The following SUPT3H variants were observed in gnomAD, a reference collection of about 807,000 sequenced individuals.
SUPT3H encodes the protein transcription initiation protein SPT3 homolog.
Under a neutral mutation model 44.3 loss-of-function variants are expected in SUPT3H, and 44 were observed. That is an observed-to-expected ratio of 0.99 (90% CI 0.78 to 1.28). The LOEUF is 1.28. Ranked by LOEUF, SUPT3H falls within the 50% of genes most tolerant of loss-of-function variation. The pLI, the probability that SUPT3H is intolerant of heterozygous loss-of-function variation, is 0.00. For missense variants in SUPT3H, 380 were observed against 387.1 expected (o/e 0.98, Z 0.15); for synonymous variants, 124 against 125.6 (o/e 0.99, Z 0.09).
chr6:45,228,596 C>T (rs1286827810), intron 2 of SUPT3H, among the ~76,000 whole-genome samples: 1 of 152,048 alleles, frequency 6.6e-6, no homozygotes, highest in African/African-American at 2.4e-5. Context: ...CGCGCGCGCA[C>T]ACACACACAC....
chr6:45,153,285 A>T (rs941028531), intron 2 of SUPT3H, among the ~76,000 whole-genome samples: 1 of 152,186 alleles, frequency 6.6e-6, no homozygotes, highest in Admixed American at 6.5e-5. Context: ...CATCTTCTTC[A>T]CTAGTGTAGC....
At chr6:45,295,883 T>A (rs182383820) in intron 2 of SUPT3H, among the ~76,000 whole-genome samples, 2 of 151,950 alleles carry the variant, frequency 1.3e-5, no homozygotes, top group East Asian at 3.9e-4. Context: ...CTGGTGGGAG[T>A]ACAAACTAGT....
chr6:45,299,942 T>C (rs1285651655), intron 2 of SUPT3H, among the ~76,000 whole-genome samples: 2 of 145,398 alleles, frequency 1.4e-5, no homozygotes, highest in African/African-American at 5.2e-5. Context: ...GCGTATTATA[T>C]ATGTGAATAT....
At chr6:45,100,748 A>G (rs1798457562) in intron 3 of SUPT3H, among the ~76,000 whole-genome samples, 1 of 152,136 alleles carries the variant, frequency 6.6e-6, no homozygotes, top group Non-Finnish European at 1.5e-5. Flanking sequence ...GGAATGTCTT[A>G]CACACTTTTG....
intron 2 of SUPT3H, among the ~76,000 whole-genome samples, chr6:45,262,575 G>A (rs985404427): frequency 6.6e-5 from 10 of 151,932 alleles, no homozygotes; most frequent in Admixed American, 4.6e-4. Context: ...AAAACCTAGC[G>A]TACCTATCTG....
chr6:45,067,443 A>G (rs1048953406), intron 3 of SUPT3H, among the ~76,000 whole-genome samples: 1 of 135,070 alleles, frequency 7.4e-6, no homozygotes, highest in African/African-American at 2.5e-5. Context: ...CAAAGGCAAC[A>G]AAAGCCAAAA....
intron 5 of SUPT3H, among the ~76,000 whole-genome samples, chr6:45,013,984 T>C (rs556510446): frequency 9.2e-5 from 14 of 152,158 alleles, no homozygotes; most frequent in African/African-American, 3.4e-4. Context: ...CTGTACGTGC[T>C]TAGGACAATT....
intron 2 of SUPT3H, among the ~76,000 whole-genome samples, chr6:45,327,332 C>T (rs1038616702): frequency 5.3e-5 from 8 of 151,946 alleles, no homozygotes; most frequent in African/African-American, 1.9e-4. Context: ...GAATCAAATA[C>T]TGAACAATCT....
rs149622617 is a variant in SUPT3H at position 45,150,906 on chromosome 6, T to C, written c.102-44900A>G. ...CCCGGCTAGTTTTTTGTATTTTTAG[T>C]AGAGACAGGTTTCACCACCCTGGGC... On this transcript the variant is annotated intron_variant, in intron 2 of 10. Coordinates refer to ENST00000371459, the MANE Select transcript of SUPT3H (RefSeq NM_003599.4). Among the ~76,000 whole-genome samples the C allele has an allele frequency of 2.6e-3, 392 of 151,978 alleles. 4 individuals are homozygous for C. Among genetic ancestry groups the C allele is most frequent in the African/African-American group, 8.6e-3 (357 of 41,464 alleles).
At chr6:45,372,363 T>C (rs960771883) in intron 1 of SUPT3H, among the ~76,000 whole-genome samples, 1 of 152,234 alleles carries the variant, frequency 6.6e-6, no homozygotes, top group African/African-American at 2.4e-5. Flanking sequence ...TGCAAAAGCA[T>C]AGCTTCTTGA....
At chr6:45,337,705 AC>A (rs1788870451) in intron 2 of SUPT3H, among the ~76,000 whole-genome samples, 2 of 151,890 alleles carry the variant, frequency 1.3e-5, no homozygotes, top group African/African-American at 4.8e-5. Context: ...AATATGATAC[AC>A]TTCTAGAAGC....
intron 2 of SUPT3H, among the ~76,000 whole-genome samples, chr6:45,296,120 TA>T (rs1032989323): frequency 6.6e-6 from 1 of 151,756 alleles, no homozygotes; most frequent in African/African-American, 2.4e-5. Flanking sequence ...GATATATATA[TA>T]AGTATATATA....
chr6:45,055,776 T>A (rs1208715610), intron 3 of SUPT3H, among the ~76,000 whole-genome samples: 1 of 152,076 alleles, frequency 6.6e-6, no homozygotes, highest in Non-Finnish European at 1.5e-5. Flanking sequence ...AAAGACTTCA[T>A]GACCAAAAAC....
intron 3 of SUPT3H, among the ~76,000 whole-genome samples, chr6:45,046,797 G>A (rs1299849425): frequency 6.6e-6 from 1 of 152,198 alleles, no homozygotes; most frequent in East Asian, 1.9e-4. Context: ...AGGCTGCAAT[G>A]AATCTGTAGA....
At chr6:44,955,991 G>A (rs1361493917) in intron 7 of SUPT3H, among the ~76,000 whole-genome samples, 9 of 151,578 alleles carry the variant, frequency 5.9e-5, no homozygotes, top group South Asian at 2.1e-4. Context: ...GCATGGTAGC[G>A]GGTGCCTGTA....
intron 2 of SUPT3H, among the ~76,000 whole-genome samples, chr6:45,336,825 T>C (rs1788658862): frequency 6.6e-6 from 1 of 151,576 alleles, no homozygotes. Flanking sequence ...ACCTCTGTTT[T>C]AAACTTTCTT....
chr6:44,992,801 T>G (rs1312092191), intron 6 of SUPT3H, among the ~76,000 whole-genome samples: 1 of 152,150 alleles, frequency 6.6e-6, no homozygotes, highest in African/African-American at 2.4e-5. Flanking sequence ...TGATTAATCC[T>G]GCTATAAAAT....
At chr6:45,187,243 C>T (rs1814390932) in intron 2 of SUPT3H, among the ~76,000 whole-genome samples, 2 of 151,748 alleles carry the variant, frequency 1.3e-5, no homozygotes, top group African/African-American at 4.8e-5. Context: ...GGCGAAACAC[C>T]GTCTCTACTA....
At chr6:44,882,012 C>A (rs547816914) in intron 10 of SUPT3H, among the ~76,000 whole-genome samples, 1 of 152,062 alleles carries the variant, frequency 6.6e-6, no homozygotes, top group Non-Finnish European at 1.5e-5. Flanking sequence ...CAAAAGCTAG[C>A]AGAAGCCAAG....
Sources: allele counts gnomAD v4.1 joint callset (sites outside exome capture counted in the v4.1 genomes callset), GRCh38; gene constraint gnomAD v4.1.1; transcripts MANE v1.5; gene names NCBI Gene and HGNC (gene_info 2026-07-23, HGNC 2026-07-21).